Variants in TSNARE1 observed in about 807,000 individuals in gnomAD.
TSNARE1 encodes t-SNARE domain containing 1.
TSNARE1 carries 49 observed loss-of-function variants against 62.0 expected under a neutral mutation model. That is an observed-to-expected ratio of 0.79 (90% CI 0.63 to 1.00). The LOEUF (loss-of-function observed/expected upper bound fraction) is 1.00, where lower values mean the gene tolerates loss of function less well. TSNARE1 is among the 50% of genes least tolerant of loss of function. The pLI is 0.00. For missense variants in TSNARE1, 755 were observed against 700.1 expected (o/e 1.08, Z -0.88); for synonymous variants, 328 against 294.4 (o/e 1.11, Z -1.17).
intron 9 of TSNARE1, 68 bp from the exon 10 acceptor site, chr8:142,300,712 A>G (rs1825590901): frequency 3.3e-6 from 5 of 1,533,918 alleles, no homozygotes; most frequent in Non-Finnish European, 2.6e-6. Context: ...AGGCCCAGAA[A>G]TTCAACAAAA....
At chr8:142,277,279 C>A (rs1164792428) in intron 11 of TSNARE1, 2 of 985,222 alleles carry the variant, frequency 2.0e-6, no homozygotes, top group African/African-American at 1.7e-5. Flanking sequence ...CCTCCAGGGG[C>A]CAGAGAGAGC....
At chr8:142,227,518 C>T (rs905134983) in intron 13 of TSNARE1, among the ~76,000 whole-genome samples, 3 of 151,568 alleles carry the variant, frequency 2.0e-5, no homozygotes, top group Admixed American at 6.6e-5. Context: ...GACAGCCAGG[C>T]CCCCCATTCT....
chr8:142,337,578 C>T (rs569039575), intron 4 of TSNARE1, among the ~76,000 whole-genome samples: 2 of 152,238 alleles, frequency 1.3e-5, no homozygotes, highest in Admixed American at 1.3e-4. Context: ...GAGGGAGCCG[C>T]GGGGAGTGCC....
At chr8:142,257,059 T>G (rs757682293) in intron 12 of TSNARE1, among the ~76,000 whole-genome samples, 11 of 152,138 alleles carry the variant, frequency 7.2e-5, no homozygotes, top group Non-Finnish European at 1.5e-4. Flanking sequence ...GAAAGGGACC[T>G]TCCCACGCAC....
intron 4 of TSNARE1, among the ~76,000 whole-genome samples, chr8:142,332,234 C>T (rs1180455565): frequency 2.6e-5 from 4 of 152,256 alleles, no homozygotes; most frequent in Admixed American, 2.6e-4. Flanking sequence ...GCACCGGCAG[C>T]TCAGCATTGG....
intron 12 of TSNARE1, among the ~76,000 whole-genome samples, chr8:142,239,758 GT>G (rs923312627): frequency 7.9e-5 from 12 of 152,212 alleles, no homozygotes; most frequent in Non-Finnish European, 1.6e-4. Context: ...ACTTCTGAGG[GT>G]GTGTGGGAGA....
chr8:142,275,203 T>C, intron 11 of TSNARE1: 1 of 985,366 alleles, frequency 1.0e-6, no homozygotes, highest in Non-Finnish European at 1.2e-6. Context: ...TGACCTTGCC[T>C]GGGCCAGCCC....
At chr8:142,331,720 T>C (rs1480876766) in intron 5 of TSNARE1, 34 bp downstream of exon 5, 1 of 1,562,636 alleles carries the variant, frequency 6.4e-7, no homozygotes, top group Non-Finnish European at 8.7e-7. Context: ...GGTGCCTGGA[T>C]GGAGGGGCAG....
At chr8:142,380,716 T>C (rs1159684095) in intron 1 of TSNARE1, among the ~76,000 whole-genome samples, 1 of 151,918 alleles carries the variant, frequency 6.6e-6, no homozygotes, top group South Asian at 2.1e-4. Flanking sequence ...AAAATACCCG[T>C]AACGGAAAAA....
chr8:142,353,849 G>C (rs1323468583), intron 2 of TSNARE1, among the ~76,000 whole-genome samples: 1 of 152,202 alleles, frequency 6.6e-6, no homozygotes, highest in East Asian at 1.9e-4. Context: ...GCCCCACGGC[G>C]AGGGAGCCCC....
intron 12 of TSNARE1, among the ~76,000 whole-genome samples, chr8:142,236,063 C>G (rs1817402009): frequency 6.6e-6 from 1 of 152,202 alleles, no homozygotes; most frequent in African/African-American, 2.4e-5. Context: ...CGCAGCCAGG[C>G]TCCAGCCACA....
At chr8:142,381,319 G>A (rs149045152) in intron 1 of TSNARE1, among the ~76,000 whole-genome samples, 86 of 152,334 alleles carry the variant, frequency 5.6e-4, no homozygotes, top group African/African-American at 2.0e-3. Context: ...ACTCTGTGAT[G>A]GTCCCAGGAT....
At chr8:142,288,663 A>T (rs1823219957) in intron 10 of TSNARE1, among the ~76,000 whole-genome samples, 1 of 152,244 alleles carries the variant, frequency 6.6e-6, no homozygotes, top group Non-Finnish European at 1.5e-5. Flanking sequence ...AGGCCCGCAG[A>T]CAGAGGAGCT....
At chr8:142,333,220 T>C (rs887621524) in intron 4 of TSNARE1, among the ~76,000 whole-genome samples, 22 of 152,076 alleles carry the variant, frequency 1.4e-4, no homozygotes, top group African/African-American at 4.8e-4. Context: ...TCACTGTACA[T>C]AAATGAAAGA....
intron 3 of TSNARE1, 146 bp downstream of exon 3, chr8:142,345,597 G>T (rs1162228122): frequency 2.1e-6 from 2 of 972,522 alleles, no homozygotes; most frequent in East Asian, 2.8e-5. Context: ...GGGAAGGCCT[G>T]GCAGGGGGCA....
At chr8:142,391,157 T>A (rs1405658602) in intron 1 of TSNARE1, among the ~76,000 whole-genome samples, 1 of 123,468 alleles carries the variant, frequency 8.1e-6, no homozygotes, top group East Asian at 2.6e-4. Flanking sequence ...TGTACACTGC[T>A]GGGGACTCTG....
At chr8:142,370,396 C>A (rs1835839362) in intron 1 of TSNARE1, among the ~76,000 whole-genome samples, 3 of 152,150 alleles carry the variant, frequency 2.0e-5, no homozygotes, top group Admixed American at 2.0e-4. Flanking sequence ...AAGTGAGACT[C>A]CATCTCTACA....
chr8:142,394,196 G>A (rs551497768), intron 1 of TSNARE1, among the ~76,000 whole-genome samples: 30 of 152,318 alleles, frequency 2.0e-4, no homozygotes, highest in African/African-American at 6.3e-4. Flanking sequence ...CTCTCACACC[G>A]GTTAAGGTGT....
intron 6 of TSNARE1, among the ~76,000 whole-genome samples, chr8:142,328,647 C>T (rs1211420239): frequency 4.6e-5 from 7 of 152,206 alleles, no homozygotes; most frequent in Non-Finnish European, 5.9e-5. Context: ...GACAGCCACA[C>T]ACCAGGGGTG....
Sources: allele counts gnomAD v4.1 joint callset (sites outside exome capture counted in the v4.1 genomes callset), GRCh38; gene constraint gnomAD v4.1.1; transcripts MANE v1.5; gene names NCBI Gene and HGNC (gene_info 2026-07-23, HGNC 2026-07-21).